Variants in COL4A2 observed in about 807,000 individuals in gnomAD.
The protein encoded by COL4A2 is collagen type IV alpha 2 chain.
COL4A2 carries 99 observed loss-of-function variants against 200.2 expected under a neutral mutation model. That is an observed-to-expected ratio of 0.49 (90% CI 0.42 to 0.58). COL4A2 has a LOEUF of 0.58. COL4A2 is among the 20% of genes least tolerant of loss of function. The probability of loss-of-function intolerance (pLI) is 0.00; values close to 1 mark genes in which losing one functional copy is unlikely to be tolerated. For synonymous variants in COL4A2, 897 were observed against 900.6 expected (o/e 1.00, Z 0.07); for missense variants, 1,950 against 2,314.1 (o/e 0.84, Z 3.23).
At chr13:110,383,872 G>A (rs1003573715) in intron 4 of COL4A2, among the ~76,000 whole-genome samples, 13 of 152,030 alleles carry the variant, frequency 8.6e-5, no homozygotes, top group Admixed American at 1.3e-4. Flanking sequence ...TCGGCCTCCC[G>A]AAGTGTTGAC....
chr13:110,399,887 A>G (rs879811122), intron 4 of COL4A2, among the ~76,000 whole-genome samples: 1 of 152,212 alleles, frequency 6.6e-6, no homozygotes, highest in Non-Finnish European at 1.5e-5. Context: ...CTGAAGCTTG[A>G]TAATTGCAGA....
chr13:110,324,906 G>C (rs1411306515), intron 3 of COL4A2, among the ~76,000 whole-genome samples: 6 of 152,190 alleles, frequency 3.9e-5, no homozygotes, highest in Non-Finnish European at 8.8e-5. Context: ...ATTTTCATCT[G>C]TTGGTTCTTT....
chr13:110,435,647 C>T (rs1337466448), intron 12 of COL4A2, among the ~76,000 whole-genome samples: 2 of 152,166 alleles, frequency 1.3e-5, no homozygotes, highest in African/African-American at 4.8e-5. Context: ...CAATGATGTT[C>T]TTTTGTGTCA....
Position 110,430,280 on chromosome 13 carries a change from T to C in COL4A2, c.550-121T>C. 1.6e-6 allele frequency: 2 copies of C among 1,226,594 alleles called. 1 individual carries two copies. The highest frequency in any genetic ancestry group is 3.8e-5 in the South Asian group (2 of 52,838). 76.0% of individuals were successfully genotyped at this position (1,226,594 alleles called of 1,614,324 possible). ...AAAAATTAATATTAGTAAATTAACA[T>C]TACTAGGTCCTGATAGGGCTGATCT... is the stretch of plus-strand genomic sequence containing the variant. On this transcript the variant is annotated intron_variant, in intron 8 of 47. Coordinates refer to ENST00000360467, the MANE Select transcript of COL4A2 (RefSeq NM_001846.4).
chr13:110,465,802 C>T (rs1882217280), intron 25 of COL4A2, among the ~76,000 whole-genome samples, 196 bp downstream of exon 25: 1 of 152,210 alleles, frequency 6.6e-6, no homozygotes, highest in Non-Finnish European at 1.5e-5. Flanking sequence ...AAACATGCAG[C>T]CTCTCCTGTA....
At chr13:110,392,471 G>A (rs1879024843) in intron 4 of COL4A2, among the ~76,000 whole-genome samples, 1 of 152,180 alleles carries the variant, frequency 6.6e-6, no homozygotes, top group African/African-American at 2.4e-5. Context: ...TGGGAGGAGA[G>A]ACGGTCACAG....
chr13:110,424,904 G>A (rs1880410965), intron 5 of COL4A2, 36 bp downstream of exon 5: 2 of 1,614,054 alleles, frequency 1.2e-6, no homozygotes, highest in Non-Finnish European at 1.7e-6. Flanking sequence ...GGCCTCATGA[G>A]GGTGGCGGGT....
intron 3 of COL4A2, among the ~76,000 whole-genome samples, chr13:110,356,328 C>A (rs9515194): frequency 6.6e-6 from 1 of 151,910 alleles, no homozygotes; most frequent in African/African-American, 2.4e-5. Context: ...AAGTGTGTCC[C>A]GTAGGGCGAA....
chr13:110,407,059 A>G (rs1879600594), intron 4 of COL4A2, among the ~76,000 whole-genome samples: 1 of 152,166 alleles, frequency 6.6e-6, no homozygotes, highest in African/African-American at 2.4e-5. Context: ...TTAGGAGGCA[A>G]TGCTTCTCCA....
Position 110,307,861 on chromosome 13 carries a change from C to A in COL4A2, c.-43C>A. 1.3e-6 allele frequency: 2 copies of A among 1,596,526 alleles called. No individual in the cohort carries two copies. Among genetic ancestry groups the A allele is most frequent in the Admixed American group, 1.7e-5 (1 of 58,642 alleles). The stretch of plus-strand genomic sequence containing the variant: ...ACTCGCTTTGTCTGTCGCCTCTAGG[C>A]TAAGTGGGACTGACCGGGGCCCAGA... On this transcript the variant is annotated splice_region_variant and 5_prime_UTR_variant, in exon 2 of 48. Transcript: ENST00000360467. This position sits in a 1 kb window ranked among gnomAD's most constrained non-coding sequence, Gnocchi z 5.0.
At chr13:110,369,827 C>A (rs1210061887) in intron 4 of COL4A2, among the ~76,000 whole-genome samples, 1 of 152,144 alleles carries the variant, frequency 6.6e-6, no homozygotes, top group Non-Finnish European at 1.5e-5. Flanking sequence ...CCATCATCCA[C>A]CCACCAGCCC....
At chr13:110,472,361 C>T (rs1042888464) in intron 28 of COL4A2, among the ~76,000 whole-genome samples, 16 of 152,144 alleles carry the variant, frequency 1.1e-4, no homozygotes, top group Admixed American at 5.2e-4. Flanking sequence ...GTGATTCACC[C>T]GCCTCGGCCT....
At chr13:110,441,326 C>T (rs74534245) in intron 16 of COL4A2, among the ~76,000 whole-genome samples, 140 of 152,280 alleles carry the variant, frequency 9.2e-4, no homozygotes, top group Middle Eastern at 6.8e-3. Context: ...CTCCCAGACT[C>T]GCTTTCTGAC....
intron 4 of COL4A2, among the ~76,000 whole-genome samples, chr13:110,416,155 A>C (rs1364626856): frequency 2.6e-5 from 4 of 152,252 alleles, no homozygotes; most frequent in Non-Finnish European, 5.9e-5. Context: ...TAACCTCTTC[A>C]TGACATCCAG....
intron 3 of COL4A2, among the ~76,000 whole-genome samples, chr13:110,314,364 C>T (rs1885077668): frequency 6.6e-6 from 1 of 152,338 alleles, no homozygotes; most frequent in African/African-American, 2.4e-5. Context: ...CAGCCAGTCT[C>T]GAATGAGCAG....
chr13:110,493,420 G>A (rs1036401578), intron 39 of COL4A2, 138 bp downstream of exon 39: 11 of 819,448 alleles, frequency 1.3e-5, no homozygotes, highest in African/African-American at 3.4e-5. Flanking sequence ...CTATGCGATC[G>A]GCCGTGAGGG....
chr13:110,504,027 G>T (rs376981749), intron 44 of COL4A2, 34 bp downstream of exon 44: 3 of 1,559,128 alleles, frequency 1.9e-6, no homozygotes, highest in Non-Finnish European at 2.6e-6. Flanking sequence ...GAGCCCCTCG[G>T]GGCTGCCCGG....
chr13:110,318,780 T>G (rs1472764611), intron 3 of COL4A2, among the ~76,000 whole-genome samples: 1 of 152,216 alleles, frequency 6.6e-6, no homozygotes, highest in African/African-American at 2.4e-5. Context: ...CTAGTTCACA[T>G]CTACCTGGCT....
intron 4 of COL4A2, among the ~76,000 whole-genome samples, chr13:110,395,438 G>T (rs970294901): frequency 2.6e-5 from 4 of 152,148 alleles, no homozygotes; most frequent in African/African-American, 9.7e-5. Context: ...GGTGTCCCAC[G>T]ATCTCAGTGC....
Sources: allele counts gnomAD v4.1 joint callset (sites outside exome capture counted in the v4.1 genomes callset), GRCh38; gene constraint gnomAD v4.1.1; non-coding constraint Gnocchi (gnomAD v3.1); transcripts MANE v1.5; gene names NCBI Gene and HGNC (gene_info 2026-07-23, HGNC 2026-07-21).